The following HHLA2 variants were observed in gnomAD, a reference collection of about 807,000 sequenced individuals.
HHLA2 encodes the protein HHLA2 member of B7 family.
A neutral mutation model predicts 45.9 loss-of-function variants in HHLA2; 48 were observed. The observed-to-expected ratio is 1.05, with a 90% confidence interval of 0.83 to 1.33. The LOEUF is 1.33. Ranked by LOEUF, HHLA2 falls within the 40% of genes most tolerant of loss-of-function variation. The pLI, the probability that HHLA2 is intolerant of heterozygous loss-of-function variation, is 0.00. For synonymous variants in HHLA2, 161 were observed against 173.9 expected (o/e 0.93, Z 0.59); for missense variants, 462 against 494.3 (o/e 0.93, Z 0.62).
At chr3:108,324,939 C>T (rs2081262960) in intron 2 of HHLA2, among the ~76,000 whole-genome samples, 1 of 152,076 alleles carries the variant, frequency 6.6e-6, no homozygotes. Flanking sequence ...GTTCTTAAAA[C>T]CTTACATTAA....
At chr3:108,353,126 G>C (rs146721421) in intron 4 of HHLA2, among the ~76,000 whole-genome samples, 1 of 152,190 alleles carries the variant, frequency 6.6e-6, no homozygotes, top group Non-Finnish European at 1.5e-5. Flanking sequence ...TGATTTCCAG[G>C]CCAGGATTGG....
chr3:108,306,699 T>A (rs1245530382), intron 1 of HHLA2, among the ~76,000 whole-genome samples: 1 of 152,220 alleles, frequency 6.6e-6, no homozygotes, highest in Non-Finnish European at 1.5e-5. Flanking sequence ...TTAGGCCAAC[T>A]TTTTTAACAT....
chr3:108,314,511 G>T (rs2081071244), intron 2 of HHLA2, among the ~76,000 whole-genome samples: 1 of 152,020 alleles, frequency 6.6e-6, no homozygotes. Context: ...GGCAGGGATG[G>T]GGAGGGGTTT....
chr3:108,355,896 T>C (rs2081880611), intron 6 of HHLA2, among the ~76,000 whole-genome samples: 1 of 152,168 alleles, frequency 6.6e-6, no homozygotes, highest in Admixed American at 6.6e-5. Flanking sequence ...TATCACAACA[T>C]GGTCAGTTTT....
chr3:108,310,181 T>C (rs1356452462), intron 1 of HHLA2, among the ~76,000 whole-genome samples: 1 of 152,092 alleles, frequency 6.6e-6, no homozygotes, highest in Admixed American at 6.5e-5. Flanking sequence ...TTTATCTAGA[T>C]CAGAGAAAAT....
At chr3:108,377,483 A>G in exon 11 of HHLA2, 2 of 563,676 alleles carry the variant, frequency 3.5e-6, no homozygotes, top group Non-Finnish European at 6.5e-6. Flanking sequence ...CACTACCTGC[A>G]TTGAGTATAA....
At chr3:108,347,676 G>A (rs532196204) in intron 3 of HHLA2, among the ~76,000 whole-genome samples, 18 of 152,298 alleles carry the variant, frequency 1.2e-4, no homozygotes, top group South Asian at 4.1e-4. Context: ...AGCCGAATGC[G>A]TATTTGTAGA....
At chr3:108,299,596 G>T (rs769174276) in intron 1 of HHLA2, among the ~76,000 whole-genome samples, 1 of 152,004 alleles carries the variant, frequency 6.6e-6, no homozygotes, top group African/African-American at 2.4e-5. Flanking sequence ...GAAATGCTAC[G>T]CTGAGTGGAG....
intron 3 of HHLA2, among the ~76,000 whole-genome samples, chr3:108,329,509 A>G (rs765994690): frequency 1.3e-5 from 2 of 152,174 alleles, no homozygotes; most frequent in African/African-American, 2.4e-5. Flanking sequence ...CTGGAGTTGG[A>G]CAGAGACCCA....
chr3:108,323,998 G>A (rs565341117), intron 2 of HHLA2, among the ~76,000 whole-genome samples: 1 of 152,178 alleles, frequency 6.6e-6, no homozygotes, highest in South Asian at 2.1e-4. Flanking sequence ...TACAATTTTT[G>A]GTTAAAAATG....
chr3:108,367,601 A>G (rs963382722), intron 8 of HHLA2, among the ~76,000 whole-genome samples: 1 of 151,898 alleles, frequency 6.6e-6, no homozygotes, highest in African/African-American at 2.4e-5. Flanking sequence ...AGAAGAAAGG[A>G]TATCAGAGAC....
intron 3 of HHLA2, among the ~76,000 whole-genome samples, chr3:108,329,500 T>A (rs1027144103): frequency 6.6e-6 from 1 of 152,180 alleles, no homozygotes; most frequent in African/African-American, 2.4e-5. Context: ...TTGTGCTTGC[T>A]GGAGTTGGAC....
chr3:108,366,656 T>G (rs2082067832), intron 8 of HHLA2, among the ~76,000 whole-genome samples: 1 of 152,178 alleles, frequency 6.6e-6, no homozygotes, highest in Non-Finnish European at 1.5e-5. Flanking sequence ...ATTTCAGAAC[T>G]TGTTATTGGT....
intron 2 of HHLA2, among the ~76,000 whole-genome samples, chr3:108,312,658 G>A (rs1194382054): frequency 6.6e-6 from 1 of 152,208 alleles, no homozygotes; most frequent in Non-Finnish European, 1.5e-5. Context: ...TCAGGTTCCA[G>A]TGCTCCTGAT....
intron 10 of HHLA2, chr3:108,376,978 T>A: frequency 2.5e-6 from 1 of 402,776 alleles, no homozygotes; most frequent in Non-Finnish European, 4.5e-6. Context: ...AGTATTTATG[T>A]GTTCCATTAA....
chr3:108,300,549 A>C (rs1372706037), intron 1 of HHLA2, among the ~76,000 whole-genome samples: 1 of 152,198 alleles, frequency 6.6e-6, no homozygotes, highest in Non-Finnish European at 1.5e-5. Flanking sequence ...TCTCTCCTTA[A>C]TAAGAAGCGC....
chr3:108,361,097 A>T (rs1478904840), intron 7 of HHLA2, among the ~76,000 whole-genome samples: 1 of 152,102 alleles, frequency 6.6e-6, no homozygotes, highest in Non-Finnish European at 1.5e-5. Flanking sequence ...CATTTCCATT[A>T]ATACTAATTT....
In HHLA2 at chr3:108,351,867, T is replaced by A. The variant is rs1053106944; in HGVS notation, c.54T>A (p.Ser18Arg). 9 of 1,609,312 alleles carry A rather than the reference T, an allele frequency of 5.6e-6. No homozygotes were observed. The highest frequency in any genetic ancestry group is 7.7e-6 in the Non-Finnish European group (9 of 1,176,356). The change falls in exon 4 of 11, where the codon AGT (serine) becomes AGA (arginine). Residue 18 changes from serine (S) to arginine (R), a missense_variant. Around this residue, in one of 3 missense-constraint regions of HHLA2, gnomAD observed 335 missense variants for 367.4 expected, o/e 0.91. Transcript: ENST00000619531. ...TCCTCATTCTCATAACATCTCTGAG[T>A]GGATCTCAAGGTAATTTCGTTTGTA...
intron 6 of HHLA2, among the ~76,000 whole-genome samples, chr3:108,357,541 GTA>G (rs1694660903): frequency 6.6e-6 from 1 of 151,922 alleles, no homozygotes; most frequent in South Asian, 2.1e-4. Flanking sequence ...CTAGTAACTG[GTA>G]GCAACATTCC....
Sources: gnomAD v4.1 joint callset for allele counts (sites outside exome capture counted in the v4.1 genomes callset) on GRCh38, gnomAD v4.1.1 for gene constraint, gnomAD v4.1.1 regional missense constraint, MANE v1.5 for transcripts, NCBI Gene and HGNC (gene_info 2026-07-23, HGNC 2026-07-21) for gene names.